CNIH3: variants seen among roughly 807,000 people sequenced by gnomAD.
CNIH3 encodes cornichon family AMPA receptor auxiliary protein 3.
A neutral mutation model predicts 24.1 loss-of-function variants in CNIH3; 14 were observed. The ratio of observed to expected loss-of-function variants is 0.58; its 90% CI spans 0.38 to 0.91. The LOEUF is 0.91. Among genes scored for constraint, CNIH3 ranks in the 40% least tolerant of loss-of-function variants. CNIH3 has a pLI of 0.00. For missense variants in CNIH3, 178 were observed against 196.8 expected (o/e 0.90, Z 0.57); for synonymous variants, 68 against 73.8 (o/e 0.92, Z 0.40).
At chr1:224,569,725 T>A (rs1438758021) in intron 4 of CNIH3, among the ~76,000 whole-genome samples, 1 of 152,166 alleles carries the variant, frequency 6.6e-6, no homozygotes, top group African/African-American at 2.4e-5. Flanking sequence ...CTGGTAGGTA[T>A]GAAATAGTAT....
At chr1:224,657,277 C>T (rs1294931347) in intron 1 of CNIH3, among the ~76,000 whole-genome samples, 1 of 152,082 alleles carries the variant, frequency 6.6e-6, no homozygotes, top group Admixed American at 6.6e-5. Context: ...AGAGCCAAAA[C>T]CCCGAAGCCA....
chr1:224,729,256 A>G (rs141101367), intron 3 of CNIH3, among the ~76,000 whole-genome samples: 83 of 152,096 alleles, frequency 5.5e-4, no homozygotes, highest in African/African-American at 1.9e-3. Context: ...ACTGAAAAAT[A>G]TGAAAATTAG....
intron 1 of CNIH3, among the ~76,000 whole-genome samples, chr1:224,645,976 C>T (rs1684586165): frequency 6.6e-6 from 1 of 152,176 alleles, no homozygotes; most frequent in African/African-American, 2.4e-5. Flanking sequence ...GGGCATTGTG[C>T]TGGGTAGCCC....
intron 1 of CNIH3, among the ~76,000 whole-genome samples, chr1:224,464,317 G>A (rs910777898): frequency 2.6e-5 from 4 of 151,416 alleles, no homozygotes; most frequent in Admixed American, 2.0e-4. Context: ...TTTTTTTTGA[G>A]ATGGGGTCTC....
At chr1:224,502,049 A>C (rs184187046) in intron 1 of CNIH3, among the ~76,000 whole-genome samples, 3 of 152,168 alleles carry the variant, frequency 2.0e-5, no homozygotes, top group Non-Finnish European at 4.4e-5. Flanking sequence ...TGAGCAGAGG[A>C]TCCTCTGGGC....
rs897779357 is a variant in CNIH3 at position 224,704,860 on chromosome 1, A to G, written c.198+20017A>G. ...CACAGTGGCTCATGCCTGTAATCCC[A>G]GCACTTTGGGAGACTGAGGTGGGTG... On this transcript the variant is annotated intron_variant, in intron 3 of 5. Transcript: ENST00000272133. This position sits in a 1 kb window ranked among gnomAD's most constrained non-coding sequence, Gnocchi z 4.2. 6.6e-6 allele frequency among the ~76,000 whole-genome samples: 1 copy of G among 152,138 alleles called. No homozygotes were observed. Among genetic ancestry groups the G allele is most frequent in the Non-Finnish European group, 1.5e-5 (1 of 68,028 alleles).
intron 1 of CNIH3, among the ~76,000 whole-genome samples, chr1:224,641,245 C>T (rs544562892): frequency 2.0e-5 from 3 of 152,254 alleles, no homozygotes; most frequent in Non-Finnish European, 2.9e-5. Flanking sequence ...CCCCACCTGC[C>T]GGGGAGGGGA....
At chr1:224,738,799 C>G (rs1689722818) in intron 5 of CNIH3, among the ~76,000 whole-genome samples, 1 of 152,082 alleles carries the variant, frequency 6.6e-6, no homozygotes, top group Admixed American at 6.6e-5. Context: ...AATAAGAGGG[C>G]CAGGGAGTTA....
At chr1:224,590,812 C>G (rs1681725361), downstream of CNIH3, among the ~76,000 whole-genome samples, 1 of 151,144 alleles carries the variant, frequency 6.6e-6, no homozygotes, top group African/African-American at 2.4e-5. Flanking sequence ...CACCGCCCCG[C>G]CCCCGCAACC....
chr1:224,455,510 T>C (rs1009905689), intron 1 of CNIH3, among the ~76,000 whole-genome samples: 6 of 152,172 alleles, frequency 3.9e-5, no homozygotes, highest in African/African-American at 1.4e-4. Context: ...AGGAATCTAG[T>C]AGACCCAGGA....
chr1:224,714,503 A>T (rs1688322761), intron 3 of CNIH3, among the ~76,000 whole-genome samples: 1 of 152,148 alleles, frequency 6.6e-6, no homozygotes, highest in Admixed American at 6.5e-5. Flanking sequence ...CTTGTCATGG[A>T]GTGTCAGGAG....
intron 3 of CNIH3, among the ~76,000 whole-genome samples, chr1:224,594,280 AC>A (rs1465945762): frequency 6.6e-6 from 1 of 152,140 alleles, no homozygotes; most frequent in Non-Finnish European, 1.5e-5. Flanking sequence ...GAGCCCTTGC[AC>A]CCCCGCTTGT....
intron 3 of CNIH3, among the ~76,000 whole-genome samples, chr1:224,562,309 T>C (rs976808099): frequency 5.3e-5 from 8 of 152,154 alleles, no homozygotes; most frequent in African/African-American, 1.9e-4. Flanking sequence ...CTTCTTCACT[T>C]CTGTTTCCAA....
At chr1:224,511,751 G>C (rs1678159624), upstream of CNIH3, among the ~76,000 whole-genome samples, 1 of 152,164 alleles carries the variant, frequency 6.6e-6, no homozygotes, top group Admixed American at 6.5e-5. Flanking sequence ...TTATTCAGGA[G>C]GCTGAAGTAG....
chr1:224,717,413 C>T (rs1688484235), intron 3 of CNIH3: 1 of 152,194 alleles, frequency 6.6e-6, no homozygotes, highest in African/African-American at 2.4e-5. Context: ...CTCCCAAAGA[C>T]ACCACCTCCT....
At chr1:224,473,862 A>T (rs1676464264) in intron 1 of CNIH3, among the ~76,000 whole-genome samples, 1 of 152,254 alleles carries the variant, frequency 6.6e-6, no homozygotes, top group African/African-American at 2.4e-5. Flanking sequence ...TCCTTAGCAC[A>T]TGGATCATTC....
chr1:224,656,770 G>A (rs952787073), intron 1 of CNIH3, among the ~76,000 whole-genome samples: 1 of 152,188 alleles, frequency 6.6e-6, no homozygotes, highest in East Asian at 1.9e-4. Flanking sequence ...GTGGAGAGGC[G>A]CATCTGTAGG....
chr1:224,534,983 C>G (rs147401495), intron 2 of CNIH3, among the ~76,000 whole-genome samples: 2 of 151,876 alleles, frequency 1.3e-5, no homozygotes, highest in Non-Finnish European at 2.9e-5. Flanking sequence ...ACCAGGTACT[C>G]ATAGACACCT....
chr1:224,444,063 A>G (rs1444003035), intron 1 of CNIH3, among the ~76,000 whole-genome samples: 1 of 152,210 alleles, frequency 6.6e-6, no homozygotes, highest in Admixed American at 6.5e-5. Context: ...CCCACCATCC[A>G]GCTATGATAG....
Sources: allele counts gnomAD v4.1 joint callset (sites outside exome capture counted in the v4.1 genomes callset), GRCh38; gene constraint gnomAD v4.1.1; non-coding constraint Gnocchi (gnomAD v3.1); transcripts MANE v1.5; gene names NCBI Gene and HGNC (gene_info 2026-07-23, HGNC 2026-07-21).